The following FNIP1 variants were observed in gnomAD, a reference collection of about 807,000 sequenced individuals.
FNIP1 encodes folliculin interacting protein 1.
In FNIP1, 40 loss-of-function variants were observed where a neutral mutation model predicts 124.5. The observed-to-expected ratio is 0.32, with a 90% CI of 0.25 to 0.42. The LOEUF (loss-of-function observed/expected upper bound fraction) is 0.42, where lower values mean the gene tolerates loss of function less well. Ranked by LOEUF, FNIP1 falls within the 10% of genes least tolerant of loss-of-function variation. The pLI, the probability that FNIP1 is intolerant of heterozygous loss-of-function variation, is 1.00. For missense variants in FNIP1, 1,176 were observed against 1,403.7 expected, an observed-to-expected ratio of 0.84 and a Z score of 2.59; for synonymous variants, 472 against 470.6, an observed-to-expected ratio of 1.00 and a Z score of -0.04.
At chr5:131,653,068 T>C (rs1320519141) in intron 15 of FNIP1, among the ~76,000 whole-genome samples, 1 of 152,196 alleles carries the variant, frequency 6.6e-6, no homozygotes, top group Non-Finnish European at 1.5e-5. Context: ...CAGGCATTAA[T>C]ATCCCTCAGC....
intron 11 of FNIP1, among the ~76,000 whole-genome samples, chr5:131,681,030 GAGACTAATTCAA>G (rs1431639274): frequency 6.6e-6 from 1 of 152,104 alleles, no homozygotes; most frequent in Admixed American, 6.5e-5. Context: ...TGAAAATTGG[GAGACTAATTCAA>G]AGTCCATAAA....
intron 1 of FNIP1, among the ~76,000 whole-genome samples, chr5:131,748,345 G>A (rs1257630779): frequency 6.6e-6 from 1 of 152,078 alleles, no homozygotes; most frequent in Non-Finnish European, 1.5e-5. Flanking sequence ...TGCACTGTCA[G>A]TCATATGAAG....
At chr5:131,670,773 G>A in intron 14 of FNIP1, 142 bp from the exon 15 acceptor site, 3 of 517,090 alleles carry the variant, frequency 5.8e-6, no homozygotes, top group Admixed American at 3.9e-5. Context: ...CTTATATAAT[G>A]GTAACAATCG....
chr5:131,649,538 A>C (rs1766985301), intron 16 of FNIP1, among the ~76,000 whole-genome samples: 1 of 152,076 alleles, frequency 6.6e-6, no homozygotes, highest in African/African-American at 2.4e-5. Context: ...GGAGTTATTT[A>C]TATATTCTGA....
intron 11 of FNIP1, among the ~76,000 whole-genome samples, chr5:131,692,362 C>T (rs1768510866): frequency 2.0e-5 from 3 of 150,554 alleles, no homozygotes; most frequent in Admixed American, 1.3e-4. Context: ...TACACAGGGT[C>T]TATATGAGGA....
intron 11 of FNIP1, among the ~76,000 whole-genome samples, chr5:131,686,848 C>T (rs185712809): frequency 7.2e-5 from 11 of 151,836 alleles, no homozygotes; most frequent in East Asian, 2.0e-4. Flanking sequence ...TACAGGCATG[C>T]GCCACCAAGC....
In FNIP1 at chr5:131,644,599, A is replaced by T. The variant is rs1191761318; in HGVS notation, c.*86T>A. 8.5e-7 allele frequency: 1 copy of T among 1,178,578 alleles called. No individual in the cohort carries two copies. The highest frequency in any genetic ancestry group is 1.5e-5 in the African/African-American group (1 of 66,266). 73.0% of individuals were successfully genotyped at this position (1,178,578 alleles called of 1,614,324 possible). A position where few individuals can be genotyped will look rare whatever the true frequency, so the allele number is the denominator to read the frequency against. On this transcript the variant is annotated 3_prime_UTR_variant, in exon 18 of 18. Transcript: ENST00000510461. ...TCATTCAGATGGAAGTCTAAAAGGG[A>T]AAAAGAATCTCCATAAATGCATGTT...
intron 2 of FNIP1, among the ~76,000 whole-genome samples, chr5:131,737,092 A>T (rs1277266500): frequency 6.6e-6 from 1 of 152,246 alleles, no homozygotes; most frequent in Admixed American, 6.5e-5. Flanking sequence ...CATAAAGTAC[A>T]GCATCACTTC....
At chr5:131,793,864 A>G (rs1156430199) in intron 1 of FNIP1, among the ~76,000 whole-genome samples, 1 of 152,194 alleles carries the variant, frequency 6.6e-6, no homozygotes, top group African/African-American at 2.4e-5. Flanking sequence ...AACACCCAAA[A>G]AAGGATTCCA....
intron 15 of FNIP1, among the ~76,000 whole-genome samples, chr5:131,658,907 C>CAAAAA (rs70974003): frequency 0.099 from 4,056 of 40,798 alleles, 611 homozygotes; most frequent in Non-Finnish European, 0.12. Flanking sequence ...TGGGTCTAGC[C>CAAAAA]AAAAAAAAAA....
intron 2 of FNIP1, among the ~76,000 whole-genome samples, chr5:131,743,421 C>G (rs903820797): frequency 2.0e-5 from 3 of 149,904 alleles, no homozygotes; most frequent in African/African-American, 7.4e-5. Flanking sequence ...GAGAGACCAA[C>G]AGAGAGACTG....
chr5:131,787,501 T>G (rs148286021), intron 1 of FNIP1, among the ~76,000 whole-genome samples: 1 of 152,210 alleles, frequency 6.6e-6, no homozygotes, highest in Admixed American at 6.5e-5. Flanking sequence ...AAAAGGCTGA[T>G]AAGCCAAACT....
intron 8 of FNIP1, among the ~76,000 whole-genome samples, chr5:131,707,001 C>T (rs1406835043): frequency 6.6e-6 from 1 of 152,198 alleles, no homozygotes; most frequent in East Asian, 1.9e-4. Context: ...TCATGGATCA[C>T]ATGTGCACAT....
intron 16 of FNIP1, among the ~76,000 whole-genome samples, chr5:131,647,617 C>T (rs1002807865): frequency 1.3e-5 from 2 of 151,822 alleles, no homozygotes; most frequent in East Asian, 3.9e-4. Context: ...GGGACTACAG[C>T]CATGCGCACC....
chr5:131,687,803 CT>C (rs59751581), intron 11 of FNIP1, among the ~76,000 whole-genome samples: 16 of 152,238 alleles, frequency 1.1e-4, no homozygotes, highest in African/African-American at 3.9e-4. Context: ...TCCTAGGGAC[CT>C]AGTCTTAGGG....
intron 1 of FNIP1, among the ~76,000 whole-genome samples, chr5:131,788,784 A>C (rs1464534209): frequency 1.3e-5 from 2 of 151,912 alleles, no homozygotes; most frequent in African/African-American, 4.8e-5. Flanking sequence ...CAATAAACCC[A>C]GTGTAAAAAA....
At position 131,671,798 on chromosome 5, in the gene FNIP1, A is replaced by T. The variant is rs767703559; in HGVS notation, c.2646T>A (p.Asn882Lys). ...ILCTKNNKQN[N>K]EFCKCIETVP... is the part of the protein sequence containing the mutation. ...CTGTTTCTATACATTTACAAAATTC[A>T]TTGTTCTGCTTGTTATTTTTTGTAC... Residue 882 changes from asparagine (N) to lysine (K), a missense_variant, in exon 14 of 18, where the codon AAT (asparagine) becomes AAA (lysine). Asn to Lys is a moderately conservative substitution (Grantham distance 94). Coordinates refer to ENST00000510461, the MANE Select transcript of FNIP1 (RefSeq NM_133372.3). 1.9e-6 allele frequency: 3 copies of T among 1,613,938 alleles called. No homozygotes were observed. In the African/African-American group the frequency reaches 4.0e-5, roughly 22 times the overall value.
intron 16 of FNIP1, 143 bp from the exon 17 acceptor site, chr5:131,647,348 T>C: frequency 3.3e-6 from 2 of 607,714 alleles, no homozygotes; most frequent in South Asian, 2.2e-5. Context: ...TTTTAAAGTA[T>C]GTAGTTTTAG....
chr5:131,694,179 A>AGGTT (rs1768610959), intron 11 of FNIP1, among the ~76,000 whole-genome samples: 1 of 152,222 alleles, frequency 6.6e-6, no homozygotes, highest in Admixed American at 6.6e-5. Flanking sequence ...TTACAAAGCT[A>AGGTT]AACATAGTTT....
Sources: allele counts gnomAD v4.1 joint callset (sites outside exome capture counted in the v4.1 genomes callset), GRCh38; gene constraint gnomAD v4.1.1; transcripts MANE v1.5; gene names NCBI Gene and HGNC (gene_info 2026-07-23, HGNC 2026-07-21).